The following CCN6 variants were observed in gnomAD, a reference collection of about 807,000 sequenced individuals.
The protein encoded by CCN6 is CCN family member 6.
Under a neutral mutation model 37.4 loss-of-function variants are expected in CCN6, and 31 were observed. The observed-to-expected ratio is 0.83, with a 90% CI of 0.62 to 1.12. The LOEUF (loss-of-function observed/expected upper bound fraction) is 1.12. Ranked by LOEUF, CCN6 falls within the 50% of genes most tolerant of loss-of-function variation. The pLI is 0.00. For missense variants in CCN6, 369 were observed against 413.8 expected, an observed-to-expected ratio of 0.89 and a Z score of 0.94; for synonymous variants, 137 against 142.1, an observed-to-expected ratio of 0.96 and a Z score of 0.26.
intron 1 of CCN6, chr6:112,054,778 T>A (rs1047429700): frequency 4.1e-6 from 1 of 243,400 alleles, no homozygotes; most frequent in African/African-American, 2.2e-5. Flanking sequence ...CATTGCTGTT[T>A]GCAAAATGTG....
Position 112,068,197 on chromosome 6 carries a change from T to C in CCN6, c.590-8T>C, listed in dbSNP as rs1554314462. The C allele has an allele frequency of 1.2e-5, 19 of 1,605,306 alleles. No individual in the cohort carries two copies. Among genetic ancestry groups the C allele is most frequent in the Non-Finnish European group, 1.5e-5 (18 of 1,176,594 alleles). ...GTATACATATGTACTTTTCTCCCTT[T>C]GTTTTAGCTTATAGAAATCTCCCAC... On this transcript the variant is annotated splice_region_variant and splice_polypyrimidine_tract_variant and intron_variant, in intron 3 of 4. Coordinates refer to ENST00000368666, the MANE Select transcript of CCN6 (RefSeq NM_198239.2).
At chr6:112,063,952 A>T (rs1200317742) in intron 2 of CCN6, among the ~76,000 whole-genome samples, 1 of 152,224 alleles carries the variant, frequency 6.6e-6, no homozygotes, top group Non-Finnish European at 1.5e-5. Context: ...GTATTTGATG[A>T]TTAAGATTTA....
At chr6:112,062,252 T>C (rs587706623) in intron 2 of CCN6, among the ~76,000 whole-genome samples, 1 of 152,166 alleles carries the variant, frequency 6.6e-6, no homozygotes, top group South Asian at 2.1e-4. Flanking sequence ...AATAATGACA[T>C]AAAACGCCTA....
chr6:112,065,600 A>AC (rs782603587), intron 3 of CCN6, among the ~76,000 whole-genome samples: 44,854 of 147,270 alleles, frequency 0.3, 7,053 homozygotes, highest in African/African-American at 0.43. Flanking sequence ...ACACACACAC[A>AC]AACACACACG....
At chr6:112,064,536 G>A (rs1229871696) in intron 2 of CCN6, among the ~76,000 whole-genome samples, 1 of 152,178 alleles carries the variant, frequency 6.6e-6, no homozygotes. Context: ...AATTCTGGAA[G>A]TGACCATGTG....
chr6:112,064,958 T>C lies in CCN6; in HGVS notation c.550T>C (p.Leu184=). The change falls in exon 3 of 5, where the codon TTA becomes CTA. Residue 184 remains leucine, a synonymous_variant. Coordinates refer to ENST00000368666, the MANE Select transcript of CCN6 (RefSeq NM_198239.2). ...TCAGTCAAACTGTAGCCTGGAACCA[T>C]TACTACAGCAGCTTTCAACAAGCTA... ...SDQSNCSLEP[L]LQQLSTSYKT... The C allele has an allele frequency of 6.2e-7, 1 of 1,614,022 alleles. No homozygotes were observed. Among genetic ancestry groups the C allele is most frequent in the Non-Finnish European group, 8.5e-7 (1 of 1,179,928 alleles).
At chr6:112,054,529 C>A in intron 1 of CCN6, 124 bp downstream of exon 1, 3 of 900,158 alleles carry the variant, frequency 3.3e-6, no homozygotes, top group Non-Finnish European at 5.4e-6. Context: ...GGAACTACTT[C>A]ATGAGAAATA....
At chr6:112,068,963 GATA>G (rs1776785224) in intron 4 of CCN6, among the ~76,000 whole-genome samples, 1 of 152,078 alleles carries the variant, frequency 6.6e-6, no homozygotes, top group Non-Finnish European at 1.5e-5. Flanking sequence ...GAAAGATTAG[GATA>G]ATTATTCATC....
chr6:112,063,068 A>G (rs1776574135), intron 2 of CCN6, among the ~76,000 whole-genome samples: 1 of 152,192 alleles, frequency 6.6e-6, no homozygotes, highest in South Asian at 2.1e-4. Flanking sequence ...AAAGAGTGTC[A>G]TTGTTTTACA....
intron 3 of CCN6, among the ~76,000 whole-genome samples, chr6:112,066,665 T>A (rs1482156037): frequency 6.6e-6 from 1 of 152,224 alleles, no homozygotes; most frequent in African/African-American, 2.4e-5. Context: ...ATTTGGCTTT[T>A]AAAATTAACC....
chr6:112,059,597 A>G (rs1238780766), intron 1 of CCN6, among the ~76,000 whole-genome samples: 1 of 152,250 alleles, frequency 6.6e-6, no homozygotes, highest in African/African-American at 2.4e-5. Flanking sequence ...GATAACCTCA[A>G]GATTCTTAAG....
chr6:112,059,506 C>T (rs1272961801), intron 1 of CCN6, among the ~76,000 whole-genome samples: 2 of 152,194 alleles, frequency 1.3e-5, no homozygotes, highest in Non-Finnish European at 2.9e-5. Context: ...GCCATCACAT[C>T]TTCTCTGACA....
Position 112,069,414 on chromosome 6 carries a change from A to G in CCN6, c.859A>G (p.Ser287Gly). The change falls in exon 5 of 5, where the codon AGT (serine) becomes GGT (glycine). Residue 287 changes from serine to glycine, a missense_variant. Transcript: ENST00000368666. ...AAAATTTGTCTTTTCTGGATGCTCAAGTACTCAGAGTTACAAACCCACTTT... is the reference window on the plus strand; with the variant it reads ...AAAATTTGTCTTTTCTGGATGCTCAGGTACTCAGAGTTACAAACCCACTTT... Reference protein sequence around the residue: ...AEKFVFSGCSSTQSYKPTFCG... With the variant: ...AEKFVFSGCSGTQSYKPTFCG... 1 of 1,613,744 alleles carries G rather than the reference A, an allele frequency of 6.2e-7. No individual in the cohort carries two copies.
intron 3 of CCN6, 135 bp from the exon 4 acceptor site, chr6:112,068,070 C>T (rs587712982): frequency 6.9e-6 from 5 of 720,138 alleles, no homozygotes; most frequent in African/African-American, 1.8e-5. Context: ...TAAATTAGAC[C>T]ATCGGCTTCT....
At chr6:112,062,388 T>C (rs1388900891) in intron 2 of CCN6, among the ~76,000 whole-genome samples, 1 of 152,220 alleles carries the variant, frequency 6.6e-6, no homozygotes, top group Non-Finnish European at 1.5e-5. Context: ...GCAGGTTATT[T>C]CATTAAACCA....
At chr6:112,060,295 G>A (rs587729142) in intron 1 of CCN6, among the ~76,000 whole-genome samples, 1 of 152,256 alleles carries the variant, frequency 6.6e-6, no homozygotes, top group South Asian at 2.1e-4. Context: ...ACACTCAGGA[G>A]GCTATTGTAA....
upstream of CCN6, among the ~76,000 whole-genome samples, chr6:112,053,046 A>T (rs782166758): frequency 3.3e-5 from 5 of 152,144 alleles, no homozygotes; most frequent in Non-Finnish European, 7.3e-5. Flanking sequence ...AAAAGGAGGG[A>T]TAGGTAACTG....
At chr6:112,066,754 G>A (rs187095953) in intron 3 of CCN6, among the ~76,000 whole-genome samples, 1 of 152,080 alleles carries the variant, frequency 6.6e-6, no homozygotes, top group Non-Finnish European at 1.5e-5. Flanking sequence ...GCTTTTGCTA[G>A]GTCAGTATGA....
rs1047812378 is a variant in CCN6, at chr6:112,054,525, A to G, written c.48+120A>G. The G allele has an allele frequency of 1.6e-5, 15 of 925,256 alleles. No individual in the cohort carries two copies. In the Admixed American group the frequency reaches 2.2e-4, roughly 14 times the overall value. The allele number at this position is 925,256 out of a possible 1,614,324, so 57.3% of individuals were successfully genotyped here. The stretch of plus-strand genomic sequence containing the variant: ...GGGAGGATCAATGGCTTGTGGAACT[A>G]CTTCATGAGAAATAGGAAGCCATTT... On this transcript the variant is annotated intron_variant, in intron 1 of 4. Transcript: ENST00000368666.
Sources: allele counts gnomAD v4.1 joint callset (sites outside exome capture counted in the v4.1 genomes callset), GRCh38; gene constraint gnomAD v4.1.1; transcripts MANE v1.5; gene names NCBI Gene and HGNC (gene_info 2026-07-23, HGNC 2026-07-21).